The following PARD3B variants were observed in gnomAD, a reference collection of about 807,000 sequenced individuals.
PARD3B encodes the protein partitioning defective 3 homolog B.
In PARD3B, 103 loss-of-function variants were observed where a neutral mutation model predicts 130.2. That is an observed-to-expected ratio of 0.79 (90% CI 0.67 to 0.93). PARD3B has a LOEUF of 0.93. Among genes scored for constraint, PARD3B ranks in the 40% least tolerant of loss-of-function variants. The probability of loss-of-function intolerance (pLI) is 0.00; values close to 1 mark genes in which losing one functional copy is unlikely to be tolerated. For missense variants in PARD3B, 1,609 were observed against 1,499.2 expected (o/e 1.07, Z -1.21); for synonymous variants, 583 against 553.2 (o/e 1.05, Z -0.76).
chr2:205,267,776 A>C (rs565756893), intron 16 of PARD3B, among the ~76,000 whole-genome samples: 16 of 152,294 alleles, frequency 1.1e-4, no homozygotes, highest in Non-Finnish European at 2.2e-4. Flanking sequence ...ACATTCAACA[A>C]ATAGTAATAG....
chr2:205,447,190 G>T (rs896088806), intron 20 of PARD3B, among the ~76,000 whole-genome samples: 3 of 152,162 alleles, frequency 2.0e-5, no homozygotes, highest in Non-Finnish European at 4.4e-5. Context: ...AACATGAGTA[G>T]TGGTTCTGAT....
In PARD3B at chr2:204,669,047, C is replaced by T. The variant is rs1166089668; in HGVS notation, c.121-17134C>T. Reference sequence around the variant, plus strand: ...GGAGCCTCCAGAAAGGAATTCAGGTCCACTCACATCTTGATGTTCACCTAG... The same window carrying T: ...GGAGCCTCCAGAAAGGAATTCAGGTTCACTCACATCTTGATGTTCACCTAG... On this transcript the variant is annotated intron_variant, in intron 1 of 22. Transcript: ENST00000406610. This position sits in a 1 kb window ranked among gnomAD's most constrained non-coding sequence, Gnocchi z 4.3. Among the ~76,000 whole-genome samples the T allele has an allele frequency of 2.0e-5, 3 of 152,156 alleles. No homozygotes were observed. The East Asian group carries it at 5.8e-4, about 29-fold the overall frequency.
At chr2:204,922,120 T>A (rs1289631839) in intron 2 of PARD3B, among the ~76,000 whole-genome samples, 1 of 152,136 alleles carries the variant, frequency 6.6e-6, no homozygotes, top group Non-Finnish European at 1.5e-5. Context: ...GAGCTTCCCA[T>A]GGGATATCTA....
At chr2:204,828,567 A>C (rs373722506) in intron 2 of PARD3B, among the ~76,000 whole-genome samples, 1 of 152,180 alleles carries the variant, frequency 6.6e-6, no homozygotes, top group African/African-American at 2.4e-5. Flanking sequence ...TCATACCACT[A>C]TCTCCTTTCA....
intron 2 of PARD3B, among the ~76,000 whole-genome samples, chr2:204,837,412 A>G (rs1474787827): frequency 6.6e-6 from 1 of 151,324 alleles, no homozygotes; most frequent in Admixed American, 6.6e-5. Context: ...CTCTTAAAAA[A>G]TAAAAATTAC....
At chr2:204,942,418 C>T (rs541429283) in intron 2 of PARD3B, among the ~76,000 whole-genome samples, 81 of 152,068 alleles carry the variant, frequency 5.3e-4, no homozygotes, top group African/African-American at 1.9e-3. Flanking sequence ...ATAAATAAAC[C>T]TTACCAGATT....
intron 3 of PARD3B, among the ~76,000 whole-genome samples, chr2:204,989,178 A>G (rs189625804): frequency 7.9e-5 from 12 of 152,254 alleles, no homozygotes; most frequent in African/African-American, 2.9e-4. Context: ...GGGTAAGTTC[A>G]AGGACGATTT....
intron 20 of PARD3B, among the ~76,000 whole-genome samples, chr2:205,468,346 T>C (rs2048705132): frequency 6.6e-6 from 1 of 152,218 alleles, no homozygotes; most frequent in African/African-American, 2.4e-5. Flanking sequence ...TGAGAGGCAG[T>C]GCCTTACAGC....
chr2:204,782,508 T>C (rs1007887104), intron 2 of PARD3B, among the ~76,000 whole-genome samples: 3 of 150,248 alleles, frequency 2.0e-5, no homozygotes, highest in East Asian at 3.9e-4. Flanking sequence ...ATTCATGTTA[T>C]ATAGTATGTA....
intron 2 of PARD3B, among the ~76,000 whole-genome samples, chr2:204,798,732 G>A (rs1320601345): frequency 1.3e-5 from 2 of 151,846 alleles, no homozygotes; most frequent in African/African-American, 4.8e-5. Context: ...GCAGTCTTGA[G>A]GCCTCCATTC....
At chr2:205,112,111 T>C (rs751859397) in intron 5 of PARD3B, among the ~76,000 whole-genome samples, 2 of 152,118 alleles carry the variant, frequency 1.3e-5, no homozygotes, top group Non-Finnish European at 2.9e-5. Context: ...AGATTTGTTT[T>C]GTTTTTAGCT....
chr2:204,920,829 A>G (rs557347308), intron 2 of PARD3B, among the ~76,000 whole-genome samples: 17 of 152,096 alleles, frequency 1.1e-4, no homozygotes, highest in Non-Finnish European at 1.6e-4. Context: ...CCTTCTAAAC[A>G]TTGGATCCAT....
At chr2:205,518,996 TTC>T (rs2050913710) in intron 21 of PARD3B, among the ~76,000 whole-genome samples, 1 of 152,144 alleles carries the variant, frequency 6.6e-6, no homozygotes, top group African/African-American at 2.4e-5. Flanking sequence ...GACCTGTCCT[TTC>T]TCTCTAGCTG....
intron 18 of PARD3B, among the ~76,000 whole-genome samples, chr2:205,338,767 T>C (rs1243336479): frequency 1.3e-5 from 2 of 152,216 alleles, no homozygotes; most frequent in East Asian, 3.8e-4. Flanking sequence ...AACTTCCAAG[T>C]AACCAGTCTT....
At chr2:204,777,375 G>T (rs1406638404) in intron 2 of PARD3B, among the ~76,000 whole-genome samples, 1 of 152,210 alleles carries the variant, frequency 6.6e-6, no homozygotes, top group East Asian at 1.9e-4. Context: ...TGTTGGGGCT[G>T]TGGGGGTCAA....
At chr2:204,565,003 C>T (rs1305103040) in intron 1 of PARD3B, among the ~76,000 whole-genome samples, 2 of 152,312 alleles carry the variant, frequency 1.3e-5, no homozygotes, top group Admixed American at 6.5e-5. Context: ...ATCAAGATAT[C>T]GCCTAGGCTA....
At chr2:204,750,621 CAT>C (rs2040425558) in intron 2 of PARD3B, among the ~76,000 whole-genome samples, 4 of 151,834 alleles carry the variant, frequency 2.6e-5, no homozygotes, top group African/African-American at 9.7e-5. Context: ...TACATACATA[CAT>C]ACATACATAC....
intron 3 of PARD3B, among the ~76,000 whole-genome samples, chr2:205,016,118 C>A (rs541228093): frequency 6.6e-6 from 1 of 152,320 alleles, no homozygotes; most frequent in South Asian, 2.1e-4. Context: ...CGTCTCTCTG[C>A]AATCTGTTTT....
chr2:205,194,950 A>ATTTTTTTTTTTTTTTTTTTTT (rs56836818), intron 15 of PARD3B, among the ~76,000 whole-genome samples: 1 of 111,224 alleles, frequency 9.0e-6, no homozygotes, highest in Non-Finnish European at 1.7e-5. Context: ...CGCCAGGCTA[A>ATTTTTTTTTTTTTTTTTTTTT]TTTTTTTTTT....
Sources: gnomAD v4.1 joint callset for allele counts (sites outside exome capture counted in the v4.1 genomes callset) on GRCh38, gnomAD v4.1.1 for gene constraint, Gnocchi (gnomAD v3.1) non-coding constraint, MANE v1.5 for transcripts, NCBI Gene and HGNC (gene_info 2026-07-23, HGNC 2026-07-21) for gene names.